VSIG10: variants seen among roughly 807,000 people sequenced by gnomAD.
The protein encoded by VSIG10 is V-set and immunoglobulin domain-containing protein 10.
In VSIG10, 48 loss-of-function variants were observed where a neutral mutation model predicts 58.7. The observed-to-expected ratio is 0.82, with a 90% CI of 0.65 to 1.04. The LOEUF (loss-of-function observed/expected upper bound fraction) is 1.04. Among genes scored for constraint, VSIG10 ranks in the 50% least tolerant of loss-of-function variants. The probability of loss-of-function intolerance (pLI) is 0.00; values close to 1 mark genes in which losing one functional copy is unlikely to be tolerated. For synonymous variants in VSIG10, 260 were observed against 267.1 expected, an observed-to-expected ratio of 0.97 and a Z score of 0.26; for missense variants, 628 against 670.0, an observed-to-expected ratio of 0.94 and a Z score of 0.69.
At chr12:118,097,322 A>G (rs1371159659) in intron 1 of VSIG10, among the ~76,000 whole-genome samples, 1 of 152,020 alleles carries the variant, frequency 6.6e-6, no homozygotes. Flanking sequence ...GCAAATCAAA[A>G]CTGCAATGAG....
chr12:118,068,648 C>T, intron 7 of VSIG10, 51 bp from the exon 8 acceptor site: 2 of 1,482,956 alleles, frequency 1.3e-6, no homozygotes, highest in Non-Finnish European at 1.8e-6. Context: ...TTTTTCCCAA[C>T]TTCAGCCCTC....
At position 118,103,663 on chromosome 12, in the gene VSIG10, T is replaced by C. The variant is rs368222416; in HGVS notation, c.9A>G (p.Ala3=). The C allele has an allele frequency of 1.1e-3, 1,644 of 1,496,420 alleles. 1 individual carries two copies. Among genetic ancestry groups the C allele is most frequent in the Non-Finnish European group, 1.4e-3 (1,587 of 1,128,164 alleles). 92.7% of individuals were successfully genotyped at this position (1,496,420 alleles called of 1,614,324 possible). Residue 3 remains alanine, a synonymous_variant, in exon 1 of 9, where the codon GCA becomes GCG. Transcript: ENST00000359236. MA[A]GGSAPEPRVL... Reference sequence around the variant, plus strand: ...CGCGGGGCTCGGGCGCACTGCCGCCTGCGGCCATCTCGCCCCAGATCCCGG... The same window carrying C: ...CGCGGGGCTCGGGCGCACTGCCGCCCGCGGCCATCTCGCCCCAGATCCCGG...
intron 4 of VSIG10, 108 bp downstream of exon 4, chr12:118,079,238 C>T: frequency 1.4e-6 from 2 of 1,440,702 alleles, no homozygotes; most frequent in Non-Finnish European, 9.3e-7. Flanking sequence ...GAATTCAGTC[C>T]ACCCTGACAT....
Position 118,066,626 on chromosome 12 carries a change from A to C in VSIG10, c.*13T>G. On this transcript the variant is annotated 3_prime_UTR_variant, in exon 9 of 9. Transcript: ENST00000359236. ...AGCTTTCAGAGCAAGACAACCATGG[A>C]CCATCCTCTTCTTCAGACTGGCCTG... 6.2e-7 allele frequency: 1 copy of C among 1,613,728 alleles called. No individual in the cohort carries two copies. Among genetic ancestry groups the C allele is most frequent in the Middle Eastern group, 1.6e-4 (1 of 6,062 alleles).
At chr12:118,071,236 T>C in intron 6 of VSIG10, 123 bp downstream of exon 6, 2 of 1,217,164 alleles carry the variant, frequency 1.6e-6, no homozygotes, top group East Asian at 2.4e-5. Context: ...CTGTGTATCT[T>C]GACCCAGCAA....
chr12:118,087,052 C>T (rs932140833), intron 2 of VSIG10, among the ~76,000 whole-genome samples: 1 of 150,224 alleles, frequency 6.7e-6, no homozygotes, highest in Non-Finnish European at 1.5e-5. Context: ...CGTGAGCCAC[C>T]ACTCCCAGCC....
intron 7 of VSIG10, among the ~76,000 whole-genome samples, chr12:118,070,547 C>CAAAAAA (rs10607174): frequency 7.2e-5 from 8 of 111,640 alleles, no homozygotes; most frequent in African/African-American, 1.0e-4. Flanking sequence ...GATTCTGTCT[C>CAAAAAA]AAAAAAAAAA....
intron 2 of VSIG10, among the ~76,000 whole-genome samples, chr12:118,094,547 C>A (rs527578305): frequency 1.9e-3 from 293 of 151,798 alleles, no homozygotes; most frequent in Non-Finnish European, 3.3e-3. Context: ...CAATGCCTGG[C>A]TAATTTTTGT....
At chr12:118,088,037 A>G (rs1019884944) in intron 2 of VSIG10, among the ~76,000 whole-genome samples, 1 of 151,842 alleles carries the variant, frequency 6.6e-6, no homozygotes, top group African/African-American at 2.4e-5. Context: ...CGAGGTTAGG[A>G]GTTCAAGACC....
rs147030504 is a variant in VSIG10 at position 118,073,482 on chromosome 12, T to C, written c.1219+217A>G. ...CTAGATATCTATTCGTTGGTGTGTA[T>C]AGATATTATGTAATTTTTGCTACCT... On this transcript the variant is annotated intron_variant, in intron 5 of 8. Coordinates refer to ENST00000359236, the MANE Select transcript of VSIG10 (RefSeq NM_019086.6). Among the ~76,000 whole-genome samples the C allele has an allele frequency of 7.6e-4, 114 of 149,372 alleles. 1 individual carries two copies. Among genetic ancestry groups the C allele is most frequent in the African/African-American group, 2.3e-3 (89 of 38,832 alleles).
intron 2 of VSIG10, among the ~76,000 whole-genome samples, chr12:118,085,731 G>T (rs1224449861): frequency 6.6e-6 from 1 of 151,242 alleles, no homozygotes; most frequent in Non-Finnish European, 1.5e-5. Context: ...GTGTGGTGAT[G>T]CACGCCTGTA....
intron 4 of VSIG10, among the ~76,000 whole-genome samples, chr12:118,078,548 T>C (rs143228319): frequency 1.2e-3 from 179 of 151,956 alleles, no homozygotes; most frequent in African/African-American, 4.0e-3. Flanking sequence ...GGCTCCCCTT[T>C]ACCTTCTGTC....
intron 2 of VSIG10, among the ~76,000 whole-genome samples, chr12:118,090,882 C>T (rs1331927470): frequency 6.6e-6 from 1 of 152,124 alleles, no homozygotes; most frequent in African/African-American, 2.4e-5. Context: ...TGTCTGTAAT[C>T]CCAGCTTTTT....
intron 2 of VSIG10, among the ~76,000 whole-genome samples, chr12:118,085,021 A>G (rs1661261020): frequency 6.6e-6 from 1 of 152,134 alleles, no homozygotes; most frequent in Non-Finnish European, 1.5e-5. Context: ...TCCGTCTCGA[A>G]CAAACAAACA....
intron 1 of VSIG10, 73 bp downstream of exon 1, chr12:118,103,519 TG>T: frequency 7.1e-7 from 1 of 1,403,406 alleles, no homozygotes; most frequent in South Asian, 1.4e-5. Flanking sequence ...CGGAGGGAAT[TG>T]GGTCTCTCGC....
intron 5 of VSIG10, among the ~76,000 whole-genome samples, chr12:118,072,187 CG>C (rs1479371009): frequency 6.6e-6 from 1 of 150,494 alleles, no homozygotes; most frequent in Non-Finnish European, 1.5e-5. Context: ...GAAAGAGGGC[CG>C]GGCGCGGTGG....
intron 2 of VSIG10, among the ~76,000 whole-genome samples, chr12:118,095,286 C>A (rs2033414746): frequency 6.6e-6 from 1 of 152,154 alleles, no homozygotes; most frequent in South Asian, 2.1e-4. Flanking sequence ...AGTGATCCGC[C>A]CGGCTTGGCC....
chr12:118,090,846 A>G lies in VSIG10; in HGVS notation c.361+4687T>C, dbSNP rs908978058. On this transcript the variant is annotated intron_variant, in intron 2 of 8. Coordinates refer to ENST00000359236, the MANE Select transcript of VSIG10 (RefSeq NM_019086.6). Reference sequence around the variant, plus strand: ...CTTACCAATCAGTTTAAATGTCACTACTTCCAGGCCAGATGCAGTGGTTCA... The same window carrying G: ...CTTACCAATCAGTTTAAATGTCACTGCTTCCAGGCCAGATGCAGTGGTTCA... Among the ~76,000 whole-genome samples, 10 of 151,940 alleles carry G rather than the reference A, an allele frequency of 6.6e-5. No homozygotes were observed. The East Asian group carries it at 1.5e-3, about 24-fold the overall frequency.
chr12:118,071,300 C>A lies in VSIG10; in HGVS notation c.1330+59G>T. 2.6e-6 allele frequency: 4 copies of A among 1,518,374 alleles called. No homozygotes were observed. In the Admixed American group the frequency reaches 5.3e-5, roughly 20 times the overall value. The allele number at this position is 1,518,374 out of a possible 1,614,324, so 94.1% of individuals were successfully genotyped here. A position where few individuals can be genotyped will look rare whatever the true frequency, so the allele number is the denominator to read the frequency against. On this transcript the variant is annotated intron_variant, in intron 6 of 8. Transcript: ENST00000359236. The stretch of plus-strand genomic sequence containing the variant: ...GGAGCAAGGCAGGGGCCATCCTTCC[C>A]CATCCCGCACCTTTTCAAAAGTCTG...
Sources: allele counts gnomAD v4.1 joint callset (sites outside exome capture counted in the v4.1 genomes callset), GRCh38; gene constraint gnomAD v4.1.1; transcripts MANE v1.5; gene names NCBI Gene and HGNC (gene_info 2026-07-23, HGNC 2026-07-21).